The following ZFHX3 variants were observed in gnomAD, a reference collection of about 807,000 sequenced individuals.
The protein encoded by ZFHX3 is zinc finger homeobox 3, also known as zinc finger homeobox protein 3.
ZFHX3 carries 42 observed loss-of-function variants against 279.1 expected under a neutral mutation model. That is an observed-to-expected ratio of 0.15 (90% CI 0.12 to 0.19). The LOEUF (loss-of-function observed/expected upper bound fraction) is 0.19. ZFHX3 is among the 10% of genes least tolerant of loss of function. The probability of loss-of-function intolerance (pLI) is 1.00; values close to 1 mark genes in which losing one functional copy is unlikely to be tolerated. For missense variants in ZFHX3, 4,981 were observed against 4,754.0 expected, an observed-to-expected ratio of 1.05 and a Z score of -1.40; for synonymous variants, 2,293 against 1,957.8, an observed-to-expected ratio of 1.17 and a Z score of -4.52.
intron 1 of ZFHX3, among the ~76,000 whole-genome samples, chr16:73,796,175 G>A (rs1248808984): frequency 6.6e-6 from 1 of 152,056 alleles, no homozygotes; most frequent in Admixed American, 6.5e-5. Flanking sequence ...TTCATGCTCA[G>A]AGAAAAAATA....
chr16:73,445,271 T>C (rs2018164720), intron 3 of ZFHX3, among the ~76,000 whole-genome samples: 1 of 67,868 alleles, frequency 1.5e-5, no homozygotes, highest in Admixed American at 1.3e-4. Context: ...TATATGTATG[T>C]ATATATGTGT....
intron 2 of ZFHX3, among the ~76,000 whole-genome samples, chr16:73,493,661 C>G (rs182168920): frequency 3.3e-5 from 5 of 152,270 alleles, no homozygotes; most frequent in Admixed American, 3.3e-4. Flanking sequence ...CTCCTAGGGT[C>G]AACCTGTTCC....
rs907918164 is a variant in ZFHX3 at position 73,439,317 on chromosome 16, T to C, written c.-1291+16686A>G. ...AAGAGCCACCTGGGAGATGGATTAG[T>C]GGCTCTGTTTTTTCATGCCAGCTTT... On this transcript the variant is annotated intron_variant, in intron 3 of 17. Coordinates refer to the ZFHX3 transcript ENST00000641206. 3.3e-5 allele frequency among the ~76,000 whole-genome samples: 5 copies of C among 152,224 alleles called. No homozygotes were observed. The East Asian group carries it at 9.7e-4, about 29-fold the overall frequency.
chr16:73,585,136 G>A (rs948106558), intron 2 of ZFHX3, among the ~76,000 whole-genome samples: 1 of 152,222 alleles, frequency 6.6e-6, no homozygotes. Context: ...AAAACAAACA[G>A]GTCAGGTGCG....
At chr16:73,410,671 G>A (rs1364678643) in intron 3 of ZFHX3, among the ~76,000 whole-genome samples, 5 of 140,468 alleles carry the variant, frequency 3.6e-5, no homozygotes, top group Non-Finnish European at 5.9e-5. Context: ...CCTGCTCTTG[G>A]ACCAGTGTGA....
At chr16:73,811,618 T>C (rs1026054246) in intron 1 of ZFHX3, among the ~76,000 whole-genome samples, 15 of 151,940 alleles carry the variant, frequency 9.9e-5, no homozygotes, top group Non-Finnish European at 1.5e-5. Flanking sequence ...GGCTAATTTT[T>C]GTATTTTTAA....
intron 1 of ZFHX3, among the ~76,000 whole-genome samples, chr16:72,995,903 G>A (rs1963265646): frequency 6.6e-6 from 1 of 152,168 alleles, no homozygotes; most frequent in African/African-American, 2.4e-5. Flanking sequence ...CAGGGCCTTA[G>A]GCTCCAGAAT....
intron 3 of ZFHX3, among the ~76,000 whole-genome samples, chr16:73,398,453 G>C (rs1426781876): frequency 6.6e-6 from 1 of 152,232 alleles, no homozygotes; most frequent in Non-Finnish European, 1.5e-5. Flanking sequence ...GAGAATTTCT[G>C]TGAGTGCTGG....
At chr16:73,589,819 T>G (rs190326113) in intron 2 of ZFHX3, among the ~76,000 whole-genome samples, 1 of 129,738 alleles carries the variant, frequency 7.7e-6, no homozygotes, top group East Asian at 2.5e-4. Context: ...GGTAAAAGTA[T>G]AAAACAGCAA....
chr16:73,650,566 T>C (rs776057784), intron 2 of ZFHX3, among the ~76,000 whole-genome samples: 23 of 152,190 alleles, frequency 1.5e-4, no homozygotes, highest in Non-Finnish European at 2.9e-4. Flanking sequence ...ATTAGAAATA[T>C]TCTAATTTAT....
At chr16:73,105,410 C>CACACACACATATATATATATATAT (rs1966288566) in intron 7 of ZFHX3, among the ~76,000 whole-genome samples, 2 of 116,946 alleles carry the variant, frequency 1.7e-5, no homozygotes, top group Middle Eastern at 4.9e-3. Flanking sequence ...TATATATATA[C>CACACACACATATATATATATATAT]ACACACACAT....
chr16:72,972,328 G>C (rs1243356548), intron 1 of ZFHX3, among the ~76,000 whole-genome samples: 1 of 152,250 alleles, frequency 6.6e-6, no homozygotes, highest in Non-Finnish European at 1.5e-5. Flanking sequence ...CTGGACAGGA[G>C]AGAGTCTGAC....
At chr16:73,428,561 G>A (rs1369301210) in intron 3 of ZFHX3, among the ~76,000 whole-genome samples, 1 of 152,158 alleles carries the variant, frequency 6.6e-6, no homozygotes, top group African/African-American at 2.4e-5. Flanking sequence ...ATGCAGGGTC[G>A]AGGAATAGCC....
At chr16:73,317,163 C>T (rs1016250553) in intron 4 of ZFHX3, among the ~76,000 whole-genome samples, 38 of 151,386 alleles carry the variant, frequency 2.5e-4, no homozygotes, top group Middle Eastern at 6.8e-3. Flanking sequence ...AAAACAATAC[C>T]CACCATGATA....
chr16:73,441,906 T>C (rs1597336871), intron 3 of ZFHX3, among the ~76,000 whole-genome samples: 1 of 152,206 alleles, frequency 6.6e-6, no homozygotes, highest in Non-Finnish European at 1.5e-5. Context: ...AAAGCCTCCC[T>C]GAAACGTGTA....
At chr16:73,549,997 T>C (rs1479551962) in intron 2 of ZFHX3, among the ~76,000 whole-genome samples, 1 of 152,098 alleles carries the variant, frequency 6.6e-6, no homozygotes, top group East Asian at 1.9e-4. Flanking sequence ...TAAAACAATT[T>C]ATCTTTATCA....
At chr16:72,938,766 G>A (rs1960258045) in intron 3 of ZFHX3, among the ~76,000 whole-genome samples, 1 of 152,202 alleles carries the variant, frequency 6.6e-6, no homozygotes, top group African/African-American at 2.4e-5. Flanking sequence ...CAAAGAGACG[G>A]GACAGAGGTC....
intron 1 of ZFHX3, among the ~76,000 whole-genome samples, chr16:73,010,940 G>T (rs1963891964): frequency 1.3e-5 from 2 of 152,086 alleles, no homozygotes; most frequent in Non-Finnish European, 2.9e-5. Flanking sequence ...GAGTAGCTAG[G>T]ACTACAGGTG....
chr16:73,686,769 G>T (rs908983570), intron 1 of ZFHX3, among the ~76,000 whole-genome samples: 1 of 151,910 alleles, frequency 6.6e-6, no homozygotes, highest in African/African-American at 2.4e-5. Flanking sequence ...TAGCTACTCA[G>T]TTTGTAGCAC....
Sources: gnomAD v4.1 joint callset for allele counts (sites outside exome capture counted in the v4.1 genomes callset) on GRCh38, gnomAD v4.1.1 for gene constraint, MANE v1.5 for transcripts, NCBI Gene and HGNC (gene_info 2026-07-23, HGNC 2026-07-21) for gene names.